Variants in FGD5 observed in about 807,000 individuals in gnomAD.
FGD5 encodes FYVE, RhoGEF and PH domain containing 5, also known as FYVE, RhoGEF and PH domain-containing protein 5.
A neutral mutation model predicts 133.4 loss-of-function variants in FGD5; 28 were observed. That is an observed-to-expected ratio of 0.21 (90% CI 0.16 to 0.29). The LOEUF (loss-of-function observed/expected upper bound fraction) is 0.29. Ranked by LOEUF, FGD5 falls within the 10% of genes least tolerant of loss-of-function variation. FGD5 has a pLI of 1.00. For missense variants in FGD5, 1,858 were observed against 1,895.2 expected, an observed-to-expected ratio of 0.98 and a Z score of 0.36; for synonymous variants, 810 against 776.5, an observed-to-expected ratio of 1.04 and a Z score of -0.72.
chr3:14,821,620 C>T, intron 1 of FGD5, 24 bp downstream of exon 1: 1 of 1,537,432 alleles, frequency 6.5e-7, no homozygotes, highest in Non-Finnish European at 8.8e-7. Flanking sequence ...TATTTCCTTT[C>T]TTGTTCGGCA....
At chr3:14,927,785 C>T (rs1199649834) in intron 18 of FGD5, among the ~76,000 whole-genome samples, 1 of 152,120 alleles carries the variant, frequency 6.6e-6, no homozygotes, top group East Asian at 1.9e-4. Flanking sequence ...TGTTTCAAGA[C>T]AGGGTCTTGC....
In FGD5 at chr3:14,922,656, C is replaced by A. The variant is rs1242592696; in HGVS notation, c.3807+108C>A. On this transcript the variant is annotated intron_variant, in intron 15 of 19. Coordinates refer to ENST00000285046, the MANE Select transcript of FGD5 (RefSeq NM_152536.4). The surrounding 1 kb of genome is among the most constrained non-coding windows in gnomAD (Gnocchi z 4.1). ...GATGTCCAGCAGCTACTGTAAGCCCCAGAGTGAGGCATGTTCACACCAACC... is the reference window on the plus strand; with the variant it reads ...GATGTCCAGCAGCTACTGTAAGCCCAAGAGTGAGGCATGTTCACACCAACC... The A allele has an allele frequency of 9.8e-6, 14 of 1,422,724 alleles. No individual in the cohort carries two copies. Among genetic ancestry groups the A allele is most frequent in the Middle Eastern group, 2.5e-4 (1 of 4,062 alleles). The allele number at this position is 1,422,724 out of a possible 1,614,324, so 88.1% of individuals were successfully genotyped here. A position where few individuals can be genotyped will look rare whatever the true frequency, so the allele number is the denominator to read the frequency against.
chr3:14,841,226 C>T (rs1044334215), intron 1 of FGD5, among the ~76,000 whole-genome samples: 46 of 152,256 alleles, frequency 3.0e-4, no homozygotes, highest in African/African-American at 1.1e-3. Flanking sequence ...CCTGCTCAGC[C>T]GGGCCCATCT....
At chr3:14,842,954 C>CT (rs1297594449) in intron 1 of FGD5, among the ~76,000 whole-genome samples, 1 of 151,688 alleles carries the variant, frequency 6.6e-6, no homozygotes, top group Non-Finnish European at 1.5e-5. Context: ...AATGAGACCT[C>CT]TGAGCTGGGC....
intron 1 of FGD5, among the ~76,000 whole-genome samples, chr3:14,835,992 A>G (rs2036809319): frequency 6.6e-6 from 1 of 152,210 alleles, no homozygotes; most frequent in Admixed American, 6.5e-5. Context: ...GAAGGGGCAG[A>G]GATGAAGAGC....
rs533711989 is a variant in FGD5, at chr3:14,891,381, G to A, written c.2749-6128G>A. On this transcript the variant is annotated intron_variant, in intron 4 of 19. Coordinates refer to ENST00000285046, the MANE Select transcript of FGD5 (RefSeq NM_152536.4). Reference sequence around the variant, plus strand: ...TGTGCCCTCTAAAACATGCTTTCAGGAAAGGCTCTGATAGCTCCTGTACAA... The same window carrying A: ...TGTGCCCTCTAAAACATGCTTTCAGAAAAGGCTCTGATAGCTCCTGTACAA... Among the ~76,000 whole-genome samples, 45 of 152,298 alleles carry A rather than the reference G, an allele frequency of 3.0e-4. 1 individual carries two copies. Among genetic ancestry groups the A allele is most frequent in the African/African-American group, 1.1e-3 (45 of 41,566 alleles).
chr3:14,818,959 C>T (rs545569048), upstream of FGD5: 5 of 1,445,104 alleles, frequency 3.5e-6, no homozygotes, highest in Admixed American at 1.2e-4. Context: ...CATCTAGATT[C>T]ACCAAAACCA....
chr3:14,920,502 A>C (rs1344210278), intron 13 of FGD5: 2 of 152,198 alleles, frequency 1.3e-5, no homozygotes, highest in Non-Finnish European at 2.9e-5. Flanking sequence ...AAAAAAAAAA[A>C]AATTTAAGCA....
At chr3:14,898,452 G>C (rs984773668) in intron 6 of FGD5, among the ~76,000 whole-genome samples, 1 of 152,150 alleles carries the variant, frequency 6.6e-6, no homozygotes, top group Non-Finnish European at 1.5e-5. Flanking sequence ...GGCAGAAAAA[G>C]GGGGAGCTTT....
intron 4 of FGD5, among the ~76,000 whole-genome samples, chr3:14,890,432 G>A (rs775156379): frequency 2.0e-5 from 3 of 152,146 alleles, no homozygotes; most frequent in Non-Finnish European, 4.4e-5. Context: ...GTGCAGAGCA[G>A]GCACTCCGAA....
At chr3:14,908,369 T>C (rs2038378193) in intron 10 of FGD5, among the ~76,000 whole-genome samples, 1 of 152,182 alleles carries the variant, frequency 6.6e-6, no homozygotes, top group Non-Finnish European at 1.5e-5. Flanking sequence ...TTCCCAGGTC[T>C]TCAGCTGTTT....
At chr3:14,892,724 C>G (rs1268772773) in intron 4 of FGD5, among the ~76,000 whole-genome samples, 1 of 151,816 alleles carries the variant, frequency 6.6e-6, no homozygotes, top group African/African-American at 2.4e-5. Context: ...AAGGCTGAGA[C>G]AGGAGAATCA....
rs1446028383 is a variant in FGD5, at chr3:14,917,362, T to C, written c.3489+30T>C. 6.3e-7 allele frequency: 1 copy of C among 1,596,560 alleles called. No homozygotes were observed. The highest frequency in any genetic ancestry group is 8.5e-7 in the Non-Finnish European group (1 of 1,170,324). On this transcript the variant is annotated intron_variant, in intron 12 of 19. Coordinates refer to ENST00000285046, the MANE Select transcript of FGD5 (RefSeq NM_152536.4). The surrounding 1 kb of genome is among the most constrained non-coding windows in gnomAD (Gnocchi z 4.1). ...ATATCTGGTGCCAGGTACCCCCGGGTTGGGGGACAGGGAGACCCCAGGGGA... is the reference window on the plus strand; with the variant it reads ...ATATCTGGTGCCAGGTACCCCCGGGCTGGGGGACAGGGAGACCCCAGGGGA...
chr3:14,864,037 G>C lies in FGD5; in HGVS notation c.2526-91G>C, dbSNP rs2037449032. 2.6e-6 allele frequency: 4 copies of C among 1,540,954 alleles called. No homozygotes were observed. In the South Asian group the frequency reaches 4.8e-5, roughly 18 times the overall value. On this transcript the variant is annotated intron_variant, in intron 1 of 19. Transcript: ENST00000285046. ...GCCTGAGTCTTACTACTTGTTTTCTGTCCCCATGGCATGAATGGGACCCCT... is the reference window on the plus strand; with the variant it reads ...GCCTGAGTCTTACTACTTGTTTTCTCTCCCCATGGCATGAATGGGACCCCT...
Position 14,925,466 on chromosome 3 carries a change from A to C in FGD5, c.4069-604A>C, listed in dbSNP as rs116978781. 1.5e-3 allele frequency among the ~76,000 whole-genome samples: 227 copies of C among 152,344 alleles called. 5 individuals carry two copies. The East Asian group carries it at 0.041, about 28-fold the overall frequency. On this transcript the variant is annotated intron_variant, in intron 17 of 19. Transcript: ENST00000285046. ...AAATTGAGACTTAGAAGAAGTCAGC[A>C]AATTGCTCATCATTAACCACCTAGT...
At chr3:14,914,271 C>T (rs950015401) in intron 11 of FGD5, among the ~76,000 whole-genome samples, 4 of 152,182 alleles carry the variant, frequency 2.6e-5, no homozygotes, top group Admixed American at 6.5e-5. Context: ...GGCATCTGGG[C>T]GCCCACGCCC....
intron 1 of FGD5, among the ~76,000 whole-genome samples, chr3:14,854,176 T>G (rs1466827719): frequency 6.6e-6 from 1 of 152,026 alleles, no homozygotes; most frequent in Admixed American, 6.5e-5. Context: ...CTCTTTTCTG[T>G]GTGATGCCAA....
intron 11 of FGD5, among the ~76,000 whole-genome samples, chr3:14,911,615 C>G (rs1374587768): frequency 6.6e-6 from 1 of 151,956 alleles, no homozygotes; most frequent in Non-Finnish European, 1.5e-5. Context: ...TGGTAAGAGT[C>G]TACGAGCTCT....
In FGD5 at chr3:14,897,931, G is replaced by C. The variant is rs1227764860; in HGVS notation, c.2910-8G>C. On this transcript the variant is annotated splice_region_variant and splice_polypyrimidine_tract_variant and intron_variant, in intron 5 of 19. Coordinates refer to ENST00000285046, the MANE Select transcript of FGD5 (RefSeq NM_152536.4). Reference sequence around the variant, plus strand: ...TTCTCACTGTCCCATCCCCATTCCTGGCTGCAGGGAGAGCCAGCAGAAGGT... The same window carrying C: ...TTCTCACTGTCCCATCCCCATTCCTCGCTGCAGGGAGAGCCAGCAGAAGGT... 6.2e-7 allele frequency: 1 copy of C among 1,613,880 alleles called. No individual in the cohort carries two copies.
Sources: allele counts gnomAD v4.1 joint callset (sites outside exome capture counted in the v4.1 genomes callset), GRCh38; gene constraint gnomAD v4.1.1; non-coding constraint Gnocchi (gnomAD v3.1); transcripts MANE v1.5; gene names NCBI Gene and HGNC (gene_info 2026-07-23, HGNC 2026-07-21).